Variants in TTC12 observed in about 807,000 individuals in gnomAD.
The protein encoded by TTC12 is tetratricopeptide repeat protein 12.
TTC12 carries 70 observed loss-of-function variants against 90.1 expected under a neutral mutation model. The observed-to-expected ratio is 0.78, with a 90% CI of 0.64 to 0.95. The LOEUF (loss-of-function observed/expected upper bound fraction) is 0.95, where lower values mean the gene tolerates loss of function less well. TTC12 is among the 40% of genes least tolerant of loss of function. The pLI, the probability that TTC12 is intolerant of heterozygous loss-of-function variation, is 0.00. For synonymous variants in TTC12, 296 were observed against 311.5 expected (o/e 0.95, Z 0.53); for missense variants, 819 against 846.1 (o/e 0.97, Z 0.40).
chr11:113,346,291 C>T (rs1948954214), intron 13 of TTC12, among the ~76,000 whole-genome samples: 2 of 152,124 alleles, frequency 1.3e-5, no homozygotes, highest in South Asian at 2.1e-4. Flanking sequence ...CCCGGCATCT[C>T]ATCTGCATCA....
chr11:113,351,321 T>C, intron 15 of TTC12, 22 bp downstream of exon 15: 1 of 1,610,212 alleles, frequency 6.2e-7, no homozygotes, highest in East Asian at 2.2e-5. Context: ...GTCATTTTCA[T>C]CCTCTGTAAC....
intron 2 of TTC12, among the ~76,000 whole-genome samples, chr11:113,322,349 T>A (rs2137921287): frequency 6.6e-6 from 1 of 152,254 alleles, no homozygotes; most frequent in Non-Finnish European, 1.5e-5. Flanking sequence ...GCGTTCCTGA[T>A]TATGCAAAAT....
chr11:113,362,256 C>A, intron 18 of TTC12, 145 bp from the exon 19 acceptor site: 1 of 610,780 alleles, frequency 1.6e-6, no homozygotes, highest in Non-Finnish European at 2.9e-6. Flanking sequence ...AAGAACAGTG[C>A]TTTCTATTAT....
intron 16 of TTC12, among the ~76,000 whole-genome samples, chr11:113,357,843 C>G (rs968352275): frequency 6.6e-6 from 1 of 152,230 alleles, no homozygotes; most frequent in Non-Finnish European, 1.5e-5. Flanking sequence ...GGTCACTACA[C>G]TCCAATGGGT....
chr11:113,339,086 T>G (rs1328849833), intron 9 of TTC12, among the ~76,000 whole-genome samples, 200 bp from the exon 10 acceptor site: 5 of 152,174 alleles, frequency 3.3e-5, no homozygotes, highest in Admixed American at 3.3e-4. Context: ...CTCCCTTGAA[T>G]CCCCAACAAG....
At chr11:113,345,239 C>T (rs116401350) in intron 13 of TTC12, among the ~76,000 whole-genome samples, 2,055 of 152,298 alleles carry the variant, frequency 0.013, 46 homozygotes, top group African/African-American at 0.046. Context: ...ATGTTTCTCA[C>T]ACAATCTAAA....
chr11:113,369,468 CA>C (rs1309897966), downstream of TTC12, among the ~76,000 whole-genome samples: 1 of 146,652 alleles, frequency 6.8e-6, no homozygotes, highest in African/African-American at 2.5e-5. Context: ...GGCACCCTAT[CA>C]AAACTTGAAG....
intron 2 of TTC12, among the ~76,000 whole-genome samples, chr11:113,321,030 T>A (rs1328185237): frequency 2.0e-5 from 3 of 152,044 alleles, no homozygotes; most frequent in African/African-American, 4.8e-5. Context: ...AAGAATTTTT[T>A]AAAAAAGAAA....
chr11:113,342,819 T>G (rs1948753761), intron 12 of TTC12, among the ~76,000 whole-genome samples: 2 of 152,260 alleles, frequency 1.3e-5, no homozygotes, highest in South Asian at 4.1e-4. Context: ...GCCTTTCTAC[T>G]CTGTGTAAGA....
In TTC12 at chr11:113,351,680, G is replaced by C. The variant is rs538679066; in HGVS notation, c.1308+381G>C. On this transcript the variant is annotated intron_variant, in intron 15 of 21. Transcript: ENST00000529221. ...GAGCTGATAAGGCAGTGAATAGTGTGGGGGGCAGGGCTTCTCCTTGGAGAG... is the reference window on the plus strand; with the variant it reads ...GAGCTGATAAGGCAGTGAATAGTGTCGGGGGCAGGGCTTCTCCTTGGAGAG... 2.6e-5 allele frequency among the ~76,000 whole-genome samples: 4 copies of C among 152,304 alleles called. No individual in the cohort carries two copies. In the East Asian group the frequency reaches 5.8e-4, roughly 22 times the overall value.
chr11:113,361,015 C>T (rs541496590), intron 18 of TTC12, among the ~76,000 whole-genome samples: 27 of 152,270 alleles, frequency 1.8e-4, no homozygotes, highest in Non-Finnish European at 3.1e-4. Context: ...CCTGAGTAAA[C>T]CTTTAGGAGA....
intron 8 of TTC12, among the ~76,000 whole-genome samples, chr11:113,338,391 A>G (rs1282583751): frequency 2.6e-5 from 4 of 152,046 alleles, no homozygotes; most frequent in Non-Finnish European, 4.4e-5. Context: ...CTCTAGCTTC[A>G]TTTATTTCCT....
intron 7 of TTC12, among the ~76,000 whole-genome samples, chr11:113,333,799 C>T (rs1236436429): frequency 1.3e-5 from 2 of 152,114 alleles, no homozygotes; most frequent in African/African-American, 4.8e-5. Flanking sequence ...AAAGCTTCTC[C>T]AACAATTATT....
At chr11:113,320,710 C>T (rs1319780760) in intron 2 of TTC12, among the ~76,000 whole-genome samples, 4 of 152,196 alleles carry the variant, frequency 2.6e-5, no homozygotes, top group South Asian at 4.1e-4. Flanking sequence ...TCAAGTCGTC[C>T]GCAGATGGCA....
intron 20 of TTC12, chr11:113,364,309 C>T (rs17600109): frequency 0.01 from 2,259 of 219,026 alleles, 32 homozygotes; most frequent in Middle Eastern, 0.049. Flanking sequence ...TAACTTAAAC[C>T]GGCTGTAGTT....
intron 13 of TTC12, among the ~76,000 whole-genome samples, chr11:113,348,132 C>T (rs782750079): frequency 6.6e-5 from 10 of 152,186 alleles, no homozygotes; most frequent in East Asian, 3.8e-4. Context: ...GAGATGAAAA[C>T]GCCCTTCTGC....
intron 3 of TTC12, 64 bp from the exon 4 acceptor site, chr11:113,323,930 A>G (rs1441392752): frequency 1.6e-6 from 2 of 1,278,312 alleles, no homozygotes; most frequent in Non-Finnish European, 2.3e-6. Flanking sequence ...TGGTTTATAT[A>G]CATATAAATT....
At chr11:113,364,606 T>C (rs1304944781) in intron 20 of TTC12, 1 of 548,712 alleles carries the variant, frequency 1.8e-6, no homozygotes, top group South Asian at 2.0e-5. Context: ...TGTGTTGTGC[T>C]GGGCACTGTT....
At chr11:113,329,149 G>A (rs1947873182) in intron 6 of TTC12, among the ~76,000 whole-genome samples, 1 of 152,192 alleles carries the variant, frequency 6.6e-6, no homozygotes, top group Non-Finnish European at 1.5e-5. Context: ...ATATACCTAG[G>A]AGTAAAATTA....
Sources: allele counts gnomAD v4.1 joint callset (sites outside exome capture counted in the v4.1 genomes callset), GRCh38; gene constraint gnomAD v4.1.1; transcripts MANE v1.5; gene names NCBI Gene and HGNC (gene_info 2026-07-23, HGNC 2026-07-21).